AGBL1: variants seen among roughly 807,000 people sequenced by gnomAD.
The protein encoded by AGBL1 is cytosolic carboxypeptidase 4.
AGBL1 carries 130 observed loss-of-function variants against 118.9 expected under a neutral mutation model. That is an observed-to-expected ratio of 1.09 (90% CI 0.95 to 1.26). The LOEUF (loss-of-function observed/expected upper bound fraction) is 1.26, where lower values mean the gene tolerates loss of function less well. AGBL1 is among the 50% of genes most tolerant of loss of function. The pLI is 0.00. For synonymous variants in AGBL1, 555 were observed against 478.9 expected, an observed-to-expected ratio of 1.16 and a Z score of -2.08; for missense variants, 1,584 against 1,298.1, an observed-to-expected ratio of 1.22 and a Z score of -3.38.
At chr15:86,995,257 C>T (rs1336569231) in intron 24 of AGBL1, among the ~76,000 whole-genome samples, 1 of 151,976 alleles carries the variant, frequency 6.6e-6, no homozygotes, top group Non-Finnish European at 1.5e-5. Flanking sequence ...CTTGATGGTG[C>T]GTGCTTGTAA....
intron 1 of AGBL1, among the ~76,000 whole-genome samples, chr15:86,080,949 C>T (rs1895238815): frequency 6.6e-6 from 1 of 151,830 alleles, no homozygotes; most frequent in Non-Finnish European, 1.5e-5. Flanking sequence ...GGGGGGGGGT[C>T]CATGACCCCA....
At chr15:86,703,104 CT>C (rs1390573326) in intron 22 of AGBL1, among the ~76,000 whole-genome samples, 2 of 152,146 alleles carry the variant, frequency 1.3e-5, no homozygotes, top group African/African-American at 4.8e-5. Flanking sequence ...CACTGAAAGG[CT>C]TTTATCAACT....
intron 23 of AGBL1, among the ~76,000 whole-genome samples, chr15:86,979,919 AC>A (rs1168587426): frequency 1.3e-5 from 2 of 152,156 alleles, no homozygotes; most frequent in Non-Finnish European, 2.9e-5. Context: ...AGAGAAATCT[AC>A]CAAGTGATTT....
intron 22 of AGBL1, among the ~76,000 whole-genome samples, chr15:86,752,995 CCTT>C (rs1355335129): frequency 6.6e-6 from 1 of 152,036 alleles, no homozygotes; most frequent in African/African-American, 2.4e-5. Flanking sequence ...TTTCTTCAGT[CCTT>C]CTAAAAACAA....
intron 17 of AGBL1, among the ~76,000 whole-genome samples, chr15:86,370,117 T>A (rs957765407): frequency 6.6e-6 from 1 of 152,138 alleles, no homozygotes; most frequent in Non-Finnish European, 1.5e-5. Context: ...TTTAAAAATG[T>A]CTTGAACTGA....
chr15:86,138,112 C>A (rs1472892383), intron 1 of AGBL1, among the ~76,000 whole-genome samples: 2 of 152,068 alleles, frequency 1.3e-5, no homozygotes, highest in African/African-American at 2.4e-5. Context: ...ATGAATAAGA[C>A]CTAGTTCTTG....
At chr15:86,080,942 G>A (rs1460393107) in intron 1 of AGBL1, among the ~76,000 whole-genome samples, 1 of 152,038 alleles carries the variant, frequency 6.6e-6, no homozygotes, top group East Asian at 1.9e-4. Flanking sequence ...TGGGGGCGGG[G>A]GGGGGTCCAT....
At chr15:86,537,016 G>C (rs573748647) in intron 19 of AGBL1, among the ~76,000 whole-genome samples, 1 of 152,172 alleles carries the variant, frequency 6.6e-6, no homozygotes, top group African/African-American at 2.4e-5. Flanking sequence ...AGTTCTCATC[G>C]CAGACAGTGA....
intron 5 of AGBL1, among the ~76,000 whole-genome samples, chr15:86,211,169 C>A (rs1177068617): frequency 6.6e-6 from 1 of 152,210 alleles, no homozygotes; most frequent in Admixed American, 6.5e-5. Context: ...GCAAATATTG[C>A]ATTACAGCAA....
rs141562369 is a variant in AGBL1 at position 86,806,948 on chromosome 15, G to T, written c.3159-100139G>T. ...TTATTCTTTATTGGTGACTACATCT[G>T]CATTGCAGAACTGAATCTAATTTAT... On this transcript the variant is annotated intron_variant, in intron 22 of 22. Transcript: ENST00000614907. Among the ~76,000 whole-genome samples, 1,486 of 152,024 alleles carry T rather than the reference G, an allele frequency of 9.8e-3. 23 individuals carry two copies. The highest frequency in any genetic ancestry group is 0.061 in the Middle Eastern group (18 of 294).
intron 23 of AGBL1, among the ~76,000 whole-genome samples, chr15:86,987,781 C>G (rs956440334): frequency 6.6e-6 from 1 of 152,040 alleles, no homozygotes; most frequent in Non-Finnish European, 1.5e-5. Flanking sequence ...ATATATTTTA[C>G]CATACATTAT....
chr15:86,240,574 T>C (rs781334997), intron 6 of AGBL1, among the ~76,000 whole-genome samples: 1 of 152,152 alleles, frequency 6.6e-6, no homozygotes, highest in Non-Finnish European at 1.5e-5. Flanking sequence ...GCAATATAAT[T>C]GCTCAAGGTT....
At chr15:86,265,950 G>A (rs553506397) in intron 11 of AGBL1, among the ~76,000 whole-genome samples, 23 of 152,186 alleles carry the variant, frequency 1.5e-4, no homozygotes, top group African/African-American at 5.5e-4. Flanking sequence ...ATTGCACAAG[G>A]GTACACAGGC....
At chr15:86,165,329 A>T (rs898298643) in intron 5 of AGBL1, among the ~76,000 whole-genome samples, 1 of 152,142 alleles carries the variant, frequency 6.6e-6, no homozygotes, top group East Asian at 1.9e-4. Context: ...TGGTGATTTC[A>T]TCTGCAATTT....
intron 24 of AGBL1, among the ~76,000 whole-genome samples, chr15:87,013,315 A>AT (rs1375863681): frequency 6.6e-6 from 1 of 151,994 alleles, no homozygotes; most frequent in African/African-American, 2.4e-5. Flanking sequence ...TCTCTTTGTT[A>AT]TTTTTCAGTG....
intron 1 of AGBL1, among the ~76,000 whole-genome samples, chr15:86,110,976 A>G (rs921718831): frequency 6.6e-6 from 1 of 152,104 alleles, no homozygotes; most frequent in Non-Finnish European, 1.5e-5. Context: ...TGCTACAATT[A>G]CTAATGTGAC....
At chr15:86,687,824 C>A (rs1029262365) in intron 22 of AGBL1, among the ~76,000 whole-genome samples, 1 of 152,110 alleles carries the variant, frequency 6.6e-6, no homozygotes, top group Non-Finnish European at 1.5e-5. Flanking sequence ...CGATGAGTGT[C>A]CTCAGATATA....
chr15:86,991,712 T>TA (rs2081337542), intron 24 of AGBL1, among the ~76,000 whole-genome samples: 1 of 152,118 alleles, frequency 6.6e-6, no homozygotes, highest in African/African-American at 2.4e-5. Context: ...TGTGAGTACT[T>TA]ATGTCAATTC....
intron 24 of AGBL1, among the ~76,000 whole-genome samples, chr15:87,002,427 G>T (rs1447719619): frequency 2.6e-5 from 4 of 151,760 alleles, no homozygotes; most frequent in African/African-American, 7.3e-5. Context: ...CTCCAGCTTT[G>T]TTCTTTGGGC....
Sources: gnomAD v4.1 joint callset for allele counts (sites outside exome capture counted in the v4.1 genomes callset) on GRCh38, gnomAD v4.1.1 for gene constraint, MANE v1.5 for transcripts, NCBI Gene and HGNC (gene_info 2026-07-23, HGNC 2026-07-21) for gene names.